The following BCL9 variants were observed in gnomAD, a reference collection of about 807,000 sequenced individuals.
BCL9 encodes the protein B-cell CLL/lymphoma 9 protein.
In BCL9, 25 loss-of-function variants were observed where a neutral mutation model predicts 88.5. The observed-to-expected ratio is 0.28, with a 90% CI of 0.21 to 0.39. The LOEUF (loss-of-function observed/expected upper bound fraction) is 0.39, where lower values mean the gene tolerates loss of function less well. Ranked by LOEUF, BCL9 falls within the 10% of genes least tolerant of loss-of-function variation. BCL9 has a pLI of 1.00. For synonymous variants in BCL9, 711 were observed against 673.3 expected, an observed-to-expected ratio of 1.06 and a Z score of -0.87; for missense variants, 1,817 against 1,877.8, an observed-to-expected ratio of 0.97 and a Z score of 0.60.
chr1:147,588,823 T>C (rs1290029892), intron 1 of BCL9, among the ~76,000 whole-genome samples: 2 of 152,202 alleles, frequency 1.3e-5, no homozygotes, highest in Non-Finnish European at 2.9e-5. Flanking sequence ...CTAATGCTGA[T>C]GTGATTTCTA....
In BCL9 at chr1:147,613,128, A is replaced by G. The variant is rs1658097532; in HGVS notation, c.299A>G (p.Glu100Gly). The G allele has an allele frequency of 6.2e-7, 1 of 1,614,168 alleles. No homozygotes were observed. Among genetic ancestry groups the G allele is most frequent in the Non-Finnish European group, 8.5e-7 (1 of 1,180,024 alleles). Residue 100 changes from glutamate (E) to glycine (G), a missense_variant, in exon 5 of 10, where the codon GAG becomes GGG. Around this residue, in one of 2 missense-constraint regions of BCL9, gnomAD observed 1,228 missense variants for 1,191.6 expected, o/e 1.03. Coordinates refer to ENST00000234739, the MANE Select transcript of BCL9 (RefSeq NM_004326.4). ...GNGAKGKGKR[E>G]RSISADSFDQ... ...GGTGCCAAGGGCAAGGGGAAAAGGG[A>G]GCGAAGTATTTCCGCCGACTCCTTT...
chr1:147,576,319 G>T (rs679692), intron 1 of BCL9, among the ~76,000 whole-genome samples: 11,849 of 152,128 alleles, frequency 0.078, 1,329 homozygotes, highest in African/African-American at 0.25. Flanking sequence ...CCACTCTAGA[G>T]ATAATCAGTT....
chr1:147,580,276 G>A (rs1553198489), intron 1 of BCL9, among the ~76,000 whole-genome samples: 1 of 152,170 alleles, frequency 6.6e-6, no homozygotes, highest in African/African-American at 2.4e-5. Flanking sequence ...TTCCCATGTG[G>A]CAGGGAAAGG....
Position 147,619,202 on chromosome 1 carries a change from T to C in BCL9, c.1047T>C (p.Asp349=). ...CCCCCACACTGGGAGAGAATCCCGA[T>C]GGCCTATCTCAGGAGCAGCTGGAGC... ...GEPPTLGENP[D]GLSQEQLEHR... is the part of the protein sequence containing the mutation. The change falls in exon 8 of 10, where the codon GAT becomes GAC. Residue 349 remains aspartate (D), a synonymous_variant. Coordinates refer to ENST00000234739, the MANE Select transcript of BCL9 (RefSeq NM_004326.4). This position sits in a 1 kb window ranked among gnomAD's most constrained non-coding sequence, Gnocchi z 4.1. The C allele has an allele frequency of 1.2e-6, 2 of 1,614,060 alleles. No homozygotes were observed. Among genetic ancestry groups the C allele is most frequent in the Non-Finnish European group, 8.5e-7 (1 of 1,179,956 alleles).
chr1:147,577,043 G>C (rs1192456065), intron 1 of BCL9, among the ~76,000 whole-genome samples: 1 of 152,090 alleles, frequency 6.6e-6, no homozygotes. Flanking sequence ...CCTGCAGTTA[G>C]TACGCTATAT....
chr1:147,584,491 A>G (rs1022552441), intron 1 of BCL9, among the ~76,000 whole-genome samples: 2 of 152,132 alleles, frequency 1.3e-5, no homozygotes, highest in Non-Finnish European at 2.9e-5. Flanking sequence ...TATTATTCCA[A>G]TGTTATTTGT....
intron 1 of BCL9, among the ~76,000 whole-genome samples, chr1:147,561,051 CT>C (rs1655351481): frequency 6.6e-6 from 1 of 152,200 alleles, no homozygotes; most frequent in Non-Finnish European, 1.5e-5. Flanking sequence ...GGTTCATTCA[CT>C]ATCTTTGTTC....
intron 1 of BCL9, among the ~76,000 whole-genome samples, chr1:147,557,221 A>T (rs1655153498): frequency 6.6e-6 from 1 of 152,208 alleles, no homozygotes; most frequent in Admixed American, 6.5e-5. Context: ...AATAACAGTG[A>T]CACAACTTGC....
rs1170030102 is a variant in BCL9, at chr1:147,564,033, G to A, written c.-478+22359G>A. On this transcript the variant is annotated intron_variant, in intron 1 of 9. Transcript: ENST00000234739. ...TACTTTGCAGCATTCTAGGAGGAGT[G>A]GGGGTGAAAGGGTGGGAATCTTCAC... Among the ~76,000 whole-genome samples the A allele has an allele frequency of 1.3e-5, 2 of 152,164 alleles. 1 individual carries two copies. Among genetic ancestry groups the A allele is most frequent in the African/African-American group, 4.8e-5 (2 of 41,428 alleles).
At chr1:147,600,352 G>C (rs1657319293) in intron 1 of BCL9, 1 of 152,554 alleles carries the variant, frequency 6.6e-6, no homozygotes. Flanking sequence ...GTGGCACCTG[G>C]GGGAGGGGGA....
intron 1 of BCL9, among the ~76,000 whole-genome samples, chr1:147,594,080 C>A (rs932943856): frequency 2.6e-5 from 4 of 152,124 alleles, no homozygotes; most frequent in Admixed American, 2.0e-4. Flanking sequence ...GATAGAGGGG[C>A]CCTCATTGGG....
intron 1 of BCL9, among the ~76,000 whole-genome samples, chr1:147,599,869 G>C (rs1173805925): frequency 1.3e-5 from 2 of 151,200 alleles, no homozygotes; most frequent in Admixed American, 1.3e-4. Context: ...GTACCATCGC[G>C]CGCGTCTGGG....
intron 1 of BCL9, among the ~76,000 whole-genome samples, chr1:147,574,522 A>T (rs1553197873): frequency 6.6e-6 from 1 of 152,132 alleles, no homozygotes; most frequent in African/African-American, 2.4e-5. Context: ...TGATAAAATC[A>T]CCCTAGTTTT....
At position 147,619,265 on chromosome 1, in the gene BCL9, G is replaced by C; in HGVS notation, c.1110G>C (p.Gln370His). 1 of 1,614,136 alleles carries C rather than the reference G, an allele frequency of 6.2e-7. No homozygotes were observed. The highest frequency in any genetic ancestry group is 8.5e-7 in the Non-Finnish European group (1 of 1,180,030). The change falls in exon 8 of 10, where the codon CAG (glutamine) becomes CAC (histidine). Residue 370 changes from glutamine to histidine, a missense_variant. Gln to His is a conservative substitution (Grantham distance 24). This residue lies in a region of BCL9 where 1,228 missense variants were observed against 1,191.6 expected (regional missense o/e 1.03). Transcript: ENST00000234739. This position sits in a 1 kb window ranked among gnomAD's most constrained non-coding sequence, Gnocchi z 4.1. The part of the protein sequence containing the change: ...ERSLQTLRDI[Q>H]RMLFPDEKEF... Reference sequence around the variant, plus strand: ...CCTTACAAACTCTCAGAGATATCCAGCGCATGCTTTTTCCTGATGAGAAAG... The same window carrying C: ...CCTTACAAACTCTCAGAGATATCCACCGCATGCTTTTTCCTGATGAGAAAG...
intron 1 of BCL9, among the ~76,000 whole-genome samples, chr1:147,543,524 T>A (rs1654424661): frequency 6.6e-6 from 1 of 152,244 alleles, no homozygotes; most frequent in African/African-American, 2.4e-5. Context: ...CCCCTACATT[T>A]AAGGTTTTAT....
Position 147,613,041 on chromosome 1 carries a change from A to G in BCL9, c.212A>G (p.His71Arg), listed in dbSNP as rs1553202918. 1.9e-6 allele frequency: 3 copies of G among 1,610,240 alleles called. No homozygotes were observed. Among genetic ancestry groups the G allele is most frequent in the East Asian group, 2.2e-5 (1 of 44,806 alleles). The change falls in exon 5 of 10, where the codon CAT becomes CGT. Residue 71 changes from histidine (H) to arginine (R), a missense_variant. Around this residue, in one of 2 missense-constraint regions of BCL9, gnomAD observed 1,228 missense variants for 1,191.6 expected, o/e 1.03. Transcript: ENST00000234739. ...CCCTGTGACTCCAAGAGTGGGGGCCATACCCCTAAAGCACTCCCTGGCCCA... is the reference window on the plus strand; with the variant it reads ...CCCTGTGACTCCAAGAGTGGGGGCCGTACCCCTAAAGCACTCCCTGGCCCA... ...PSPCDSKSGG[H>R]TPKALPGPGG...
At chr1:147,592,009 A>AGTAG (rs1260620308) in intron 1 of BCL9, among the ~76,000 whole-genome samples, 1 of 152,222 alleles carries the variant, frequency 6.6e-6, no homozygotes, top group African/African-American at 2.4e-5. Context: ...CTAGACACAT[A>AGTAG]GTAGGTGCTT....
At position 147,546,332 on chromosome 1, in the gene BCL9, C is replaced by CA. The variant is rs781855272; in HGVS notation, c.-478+4670dup. 4.1e-3 allele frequency among the ~76,000 whole-genome samples: 553 copies of CA among 136,226 alleles called. 4 individuals are homozygous for CA. Among genetic ancestry groups the CA allele is most frequent in the Middle Eastern group, 7.5e-3 (2 of 266 alleles). The allele number at this position is 136,226 out of a possible 152,430, so 89.4% of individuals were successfully genotyped here. On this transcript the variant is annotated intron_variant, in intron 1 of 9. Coordinates refer to ENST00000234739, the MANE Select transcript of BCL9 (RefSeq NM_004326.4). The stretch of plus-strand genomic sequence containing the variant: ...CAGCCTGGGTGACAGAGTAAGACTC[C>CA]AAAAAAAAAAAATAATAAATAATAA...
intron 1 of BCL9, among the ~76,000 whole-genome samples, chr1:147,582,364 C>T (rs1216053999): frequency 6.6e-6 from 1 of 152,146 alleles, no homozygotes; most frequent in African/African-American, 2.4e-5. Flanking sequence ...TATTCCTAGA[C>T]AGGGAATTAT....
Sources: gnomAD v4.1 joint callset for allele counts (sites outside exome capture counted in the v4.1 genomes callset) on GRCh38, gnomAD v4.1.1 for gene constraint, gnomAD v4.1.1 regional missense constraint, Gnocchi (gnomAD v3.1) non-coding constraint, MANE v1.5 for transcripts, NCBI Gene and HGNC (gene_info 2026-07-23, HGNC 2026-07-21) for gene names.